Variants in AP4M1 observed in about 807,000 individuals in gnomAD.
The protein encoded by AP4M1 is adaptor related protein complex 4 subunit mu 1.
AP4M1 carries 58 observed loss-of-function variants against 62.4 expected under a neutral mutation model. That is an observed-to-expected ratio of 0.93 (90% confidence interval 0.75 to 1.16). The LOEUF is 1.16. Among genes scored for constraint, AP4M1 ranks in the 50% most tolerant of loss-of-function variants. AP4M1 has a pLI of 0.00. For missense variants in AP4M1, 626 were observed against 585.4 expected (o/e 1.07, Z -0.72); for synonymous variants, 290 against 239.7 (o/e 1.21, Z -1.94).
At chr7:100,101,285 T>C, upstream of AP4M1, 1 of 1,613,270 alleles carries the variant, frequency 6.2e-7, no homozygotes, top group Non-Finnish European at 8.5e-7. Context: ...GCGTAGTCCT[T>C]CAGTGCCATC....
upstream of AP4M1, chr7:100,101,539 G>C: frequency 1.2e-6 from 1 of 805,870 alleles, no homozygotes; most frequent in African/African-American, 1.7e-5. Flanking sequence ...TGCGGGCGTC[G>C]GAAGGGAATC....
upstream of AP4M1, chr7:100,101,190 CCCAGCTCACA>C: frequency 1.3e-6 from 2 of 1,587,194 alleles, no homozygotes; most frequent in Non-Finnish European, 1.7e-6. Flanking sequence ...CCCCCAAGAC[CCCAGCTCACA>C]CCAACAGGTG....
At chr7:100,103,841 A>G in intron 6 of AP4M1, 149 bp downstream of exon 6, 1 of 837,202 alleles carries the variant, frequency 1.2e-6, no homozygotes, top group Non-Finnish European at 2.0e-6. Context: ...CAGGAGTTTC[A>G]GAGCAGCCTG....
chr7:100,108,676 G>A lies in AP4M1; in HGVS notation c.*1794G>A. 4.4e-6 allele frequency: 4 copies of A among 915,264 alleles called. No individual in the cohort carries two copies. The highest frequency in any genetic ancestry group is 6.5e-6 in the Non-Finnish European group (4 of 616,748). The allele number at this position is 915,264 out of a possible 1,614,324, so 56.7% of individuals were successfully genotyped here. ...CATTCCTTATCATCTCAGTGCCCCTGTTGAAGGCCAAATTATGCTGAACTA... is the reference window on the plus strand; with the variant it reads ...CATTCCTTATCATCTCAGTGCCCCTATTGAAGGCCAAATTATGCTGAACTA... On this transcript the variant is annotated 3_prime_UTR_variant, in exon 15 of 15. Transcript: ENST00000359593.
rs138114559 is a variant in AP4M1, at chr7:100,107,511, G to T, written c.*629G>T. On this transcript the variant is annotated 3_prime_UTR_variant, in exon 15 of 15. Coordinates refer to ENST00000359593, the MANE Select transcript of AP4M1 (RefSeq NM_004722.4). Reference sequence around the variant, plus strand: ...AGAGGGAGCAGTGCTGGGGGGTGCGGTGGTGGCGGTGGAGACCAACTTGAC... The same window carrying T: ...AGAGGGAGCAGTGCTGGGGGGTGCGTTGGTGGCGGTGGAGACCAACTTGAC... 4.8e-4 allele frequency: 769 copies of T among 1,614,048 alleles called. 1 individual carries two copies. Among genetic ancestry groups the T allele is most frequent in the Non-Finnish European group, 6.3e-4 (744 of 1,180,010 alleles).
Position 100,107,876 on chromosome 7 carries a change from T to A in AP4M1, c.*994T>A. On this transcript the variant is annotated 3_prime_UTR_variant, in exon 15 of 15. Coordinates refer to ENST00000359593, the MANE Select transcript of AP4M1 (RefSeq NM_004722.4). ...ACTCCTGGGCCTCCCCAGGGTGCTC[T>A]GAGGTAACCCAGGCCCTCCAGATGC... 1 of 1,560,358 alleles carries A rather than the reference T, an allele frequency of 6.4e-7. No individual in the cohort carries two copies. The highest frequency in any genetic ancestry group is 8.7e-7 in the Non-Finnish European group (1 of 1,150,066).
Position 100,107,409 on chromosome 7 carries a change from T to A in AP4M1, c.*527T>A. ...TGCCGGGGGAGGAACTGGAGAAGGA[T>A]GGGAGGTGGGGCCTCCTTTGCCCTC... On this transcript the variant is annotated 3_prime_UTR_variant, in exon 15 of 15. Transcript: ENST00000359593. 1.2e-6 allele frequency: 2 copies of A among 1,606,548 alleles called. No individual in the cohort carries two copies. The highest frequency in any genetic ancestry group is 4.5e-5 in the East Asian group (2 of 44,668).
At position 100,108,626 on chromosome 7, in the gene AP4M1, A is replaced by C; in HGVS notation, c.*1744A>C. 1.4e-6 allele frequency: 2 copies of C among 1,446,376 alleles called. No individual in the cohort carries two copies. Among genetic ancestry groups the C allele is most frequent in the Non-Finnish European group, 1.9e-6 (2 of 1,076,584 alleles). 89.6% of individuals were successfully genotyped at this position (1,446,376 alleles called of 1,614,324 possible). On this transcript the variant is annotated 3_prime_UTR_variant, in exon 15 of 15. Transcript: ENST00000359593. ...AGGGCTGGTGACACTCTTGAGAAGA[A>C]CCTTGGGGATGGGGTAAAAAAGGAC...
In AP4M1 at chr7:100,108,048, A is replaced by G; in HGVS notation, c.*1166A>G. The G allele has an allele frequency of 6.2e-7, 1 of 1,613,406 alleles. No individual in the cohort carries two copies. The highest frequency in any genetic ancestry group is 8.5e-7 in the Non-Finnish European group (1 of 1,179,860). Reference sequence around the variant, plus strand: ...AGTGTCTGGACAGGAAGTGCGATGGAGCCAGGAACCTTCAGCAAGCCAGGG... The same window carrying G: ...AGTGTCTGGACAGGAAGTGCGATGGGGCCAGGAACCTTCAGCAAGCCAGGG... On this transcript the variant is annotated 3_prime_UTR_variant, in exon 15 of 15. Transcript: ENST00000359593.
At position 100,107,388 on chromosome 7, in the gene AP4M1, G is replaced by C. The variant is rs148250440; in HGVS notation, c.*506G>C. 6.3e-7 allele frequency: 1 copy of C among 1,596,356 alleles called. No homozygotes were observed. On this transcript the variant is annotated 3_prime_UTR_variant, in exon 15 of 15. Transcript: ENST00000359593. ...GCTGAGTGGGGACGGGGACGATGCC[G>C]GGGGAGGAACTGGAGAAGGATGGGA...
chr7:100,106,322 C>A (rs746187476), intron 13 of AP4M1, 31 bp downstream of exon 13: 1 of 1,613,780 alleles, frequency 6.2e-7, no homozygotes, highest in Non-Finnish European at 8.5e-7. Flanking sequence ...CGGGGAGATT[C>A]CTGGGGAGAG....
rs1178958076 is a variant in AP4M1 at position 100,103,455 on chromosome 7, T to C, written c.398T>C (p.Phe133Ser). Residue 133 changes from phenylalanine to serine, a missense_variant, in exon 5 of 15, where the codon TTC becomes TCC. Phe to Ser is a radical substitution (Grantham distance 155). Transcript: ENST00000359593. ...ACATCCACGGAGATGCTGAGGAATT[T>C]CATCCAGACGGAAGCTGTGGTCAGC... The part of the protein sequence containing the change: ...QTTSTEMLRN[F>S]IQTEAVVSKP... 6.2e-7 allele frequency: 1 copy of C among 1,614,068 alleles called. No individual in the cohort carries two copies. The highest frequency in any genetic ancestry group is 8.5e-7 in the Non-Finnish European group (1 of 1,180,042).
rs1437308674 is a variant in AP4M1 at position 100,106,004 on chromosome 7, G to GT, written c.974+2dup. ...TGCGATGTGACCTGCTCTCAAAGAG[G>GT]TAAGAGTGAGGCTGGCCTGGCTGAG... On this transcript the variant is annotated splice_donor_variant, in intron 12 of 14. Coordinates refer to ENST00000359593, the MANE Select transcript of AP4M1 (RefSeq NM_004722.4). LOFTEE classifies it high-confidence loss of function. 6.2e-7 allele frequency: 1 copy of GT among 1,614,160 alleles called. No individual in the cohort carries two copies. The highest frequency in any genetic ancestry group is 8.5e-7 in the Non-Finnish European group (1 of 1,180,040).
At position 100,107,623 on chromosome 7, in the gene AP4M1, C is replaced by A; in HGVS notation, c.*741C>A. The A allele has an allele frequency of 1.2e-6, 2 of 1,611,262 alleles. No individual in the cohort carries two copies. Among genetic ancestry groups the A allele is most frequent in the South Asian group, 1.1e-5 (1 of 90,962 alleles). ...GGGGCCGAGGTGCTGAGGGACAGGA[C>A]CTGGATAGAAAGGAAAGGCAGGCCG... is the stretch of plus-strand genomic sequence containing the variant. On this transcript the variant is annotated 3_prime_UTR_variant, in exon 15 of 15. Coordinates refer to ENST00000359593, the MANE Select transcript of AP4M1 (RefSeq NM_004722.4).
At chr7:100,101,603 C>T, upstream of AP4M1, 1 of 1,165,602 alleles carries the variant, frequency 8.6e-7, no homozygotes. Flanking sequence ...CTGGCGCGGG[C>T]GGAGGAGAAT....
intron 11 of AP4M1, 53 bp from the exon 12 acceptor site, chr7:100,105,906 T>C: frequency 6.3e-7 from 1 of 1,586,964 alleles, no homozygotes; most frequent in South Asian, 1.1e-5. Context: ...TGGGGAATGG[T>C]GAGATGCCAG....
At chr7:100,106,099 C>A in intron 12 of AP4M1, 96 bp downstream of exon 12, 2 of 1,559,382 alleles carry the variant, frequency 1.3e-6, no homozygotes, top group Non-Finnish European at 1.8e-6. Flanking sequence ...AGCTGCCAGC[C>A]TCAGAAGCCA....
intron 4 of AP4M1, 153 bp downstream of exon 4, chr7:100,103,113 C>A: frequency 2.8e-6 from 2 of 724,028 alleles, no homozygotes; most frequent in East Asian, 2.7e-5. Flanking sequence ...GCTCTGTTGC[C>A]CAGGCTGGAC....
Position 100,105,257 on chromosome 7 carries a change from C to T in AP4M1, c.745C>T (p.Arg249Trp), listed in dbSNP as rs781303911. 2.7e-5 allele frequency: 43 copies of T among 1,613,944 alleles called. 1 individual carries two copies. The highest frequency in any genetic ancestry group is 2.3e-4 in the South Asian group (21 of 91,086). ...CTTTCCAGGTTATGGGCCAGGAATC[C>T]GGGTCGATGAAGTCTCGTTTCACAG... ...SELRGYGPGI[R>W]VDEVSFHSSV... Residue 249 changes from arginine (R) to tryptophan (W), a missense_variant, in exon 10 of 15, where the codon CGG becomes TGG. By Grantham distance (101) the Arg-to-Trp change is moderately radical. Coordinates refer to ENST00000359593, the MANE Select transcript of AP4M1 (RefSeq NM_004722.4).
Sources: gnomAD v4.1 joint callset for allele counts on GRCh38, gnomAD v4.1.1 for gene constraint, MANE v1.5 for transcripts, NCBI Gene and HGNC (gene_info 2026-07-23, HGNC 2026-07-21) for gene names.